Variants in CCDC87 observed in about 807,000 individuals in gnomAD.
CCDC87 encodes coiled-coil domain-containing protein 87.
For synonymous variants in CCDC87, 434 were observed against 440.2 expected (o/e 0.99, Z 0.18); for missense variants, 1,072 against 1,041.7 (o/e 1.03, Z -0.40).
At position 66,593,005 on chromosome 11, in the gene CCDC87, G is replaced by A. The variant is rs1446690159; in HGVS notation, c.11C>T (p.Pro4Leu). The stretch of plus-strand genomic sequence containing the variant: ...CTGGAGCTCAGGCTCGGGCTTCGGG[G>A]GCTCCATCATAGAGCCGGCGGCCGC... MME[P>L]PKPEPELQRF... Residue 4 changes from proline (P) to leucine (L), a missense_variant, in exon 1 of 1, where the codon CCC becomes CTC. Transcript: ENST00000333861. 1 of 1,512,724 alleles carries A rather than the reference G, an allele frequency of 6.6e-7. No homozygotes were observed. Among genetic ancestry groups the A allele is most frequent in the African/African-American group, 1.4e-5 (1 of 71,580 alleles). The allele number at this position is 1,512,724 out of a possible 1,614,324, so 93.7% of individuals were successfully genotyped here.
chr11:66,592,969 T>C lies in CCDC87; in HGVS notation c.47A>G (p.His16Arg). 6.6e-7 allele frequency: 1 copy of C among 1,517,110 alleles called. No individual in the cohort carries two copies. The highest frequency in any genetic ancestry group is 8.8e-7 in the Non-Finnish European group (1 of 1,135,496). The allele number at this position is 1,517,110 out of a possible 1,614,324, so 94.0% of individuals were successfully genotyped here. A position where few individuals can be genotyped will look rare whatever the true frequency, so the allele number is the denominator to read the frequency against. The change falls in exon 1 of 1, where the codon CAC (histidine) becomes CGC (arginine). Residue 16 changes from histidine (H) to arginine (R), a missense_variant. By Grantham distance (29) the His-to-Arg change is conservative. Coordinates refer to ENST00000333861, the MANE Select transcript of CCDC87 (RefSeq NM_018219.3). ...KPEPELQRFY[H>R]RLLRPLSLFP... is the part of the protein sequence containing the mutation. ...GAGCGACAGCGGACGCAGCAGCCGG[T>C]GGTAAAACCGCTGGAGCTCAGGCTC...
chr11:66,591,239 A>G lies in CCDC87; in HGVS notation c.1777T>C (p.Ser593Pro). 6.2e-6 allele frequency: 10 copies of G among 1,614,236 alleles called. No individual in the cohort carries two copies. The highest frequency in any genetic ancestry group is 8.5e-6 in the Non-Finnish European group (10 of 1,180,050). The change falls in exon 1 of 1, where the codon TCT becomes CCT. Residue 593 changes from serine to proline, a missense_variant. By Grantham distance (74) the Ser-to-Pro change is moderately conservative (BLOSUM62 -1). Transcript: ENST00000333861. ...SLMNSWKTTL[S>P]VDDYFKYLTN... is the part of the protein sequence containing the mutation. ...AGGTACTTGAAGTAGTCATCCACAG[A>G]CAAGGTGGTTTTCCATGAGTTCATC... is the stretch of plus-strand genomic sequence containing the variant.
At position 66,592,397 on chromosome 11, in the gene CCDC87, A is replaced by C; in HGVS notation, c.619T>G (p.Cys207Gly). The C allele has an allele frequency of 6.2e-7, 1 of 1,614,122 alleles. No homozygotes were observed. Among genetic ancestry groups the C allele is most frequent in the Non-Finnish European group, 8.5e-7 (1 of 1,180,018 alleles). Residue 207 changes from cysteine to glycine, a missense_variant, in exon 1 of 1, where the codon TGC (cysteine) becomes GGC (glycine). Coordinates refer to ENST00000333861, the MANE Select transcript of CCDC87 (RefSeq NM_018219.3). ...PVCPAGTFKLCPIPWPHSTGF... is the reference protein window; with the variant it reads ...PVCPAGTFKLGPIPWPHSTGF... ...GTGCTGTGAGGCCAGGGGATAGGGC[A>C]CAGCTTGAACGTCCCAGCGGGGCAG...
Position 66,590,845 on chromosome 11 carries a change from G to A in CCDC87, c.2171C>T (p.Ala724Val), listed in dbSNP as rs1565319424. The part of the protein sequence containing the change: ...LPSLVNAWER[A>V]LKPIQLREAL... ...CTCCCGCAGCTGAATGGGCTTCAGG[G>A]CCCGCTCCCAGGCATTCACCAATGA... is the stretch of plus-strand genomic sequence containing the variant. Residue 724 changes from alanine (A) to valine (V), a missense_variant, in exon 1 of 1, where the codon GCC (alanine) becomes GTC (valine). By Grantham distance (64) the Ala-to-Val change is moderately conservative (BLOSUM62 0). Coordinates refer to ENST00000333861, the MANE Select transcript of CCDC87 (RefSeq NM_018219.3). The A allele has an allele frequency of 1.2e-6, 2 of 1,613,846 alleles. No homozygotes were observed. Among genetic ancestry groups the A allele is most frequent in the Non-Finnish European group, 1.7e-6 (2 of 1,180,036 alleles).
Position 66,590,432 on chromosome 11 carries a change from G to C in CCDC87, c.*34C>G, listed in dbSNP as rs1565319152. 4 of 1,530,792 alleles carry C rather than the reference G, an allele frequency of 2.6e-6. No individual in the cohort carries two copies. The highest frequency in any genetic ancestry group is 2.7e-6 in the Non-Finnish European group (3 of 1,129,010). The allele number at this position is 1,530,792 out of a possible 1,614,324, so 94.8% of individuals were successfully genotyped here. A position where few individuals can be genotyped will look rare whatever the true frequency, so the allele number is the denominator to read the frequency against. On this transcript the variant is annotated 3_prime_UTR_variant, in exon 1 of 1. Coordinates refer to ENST00000333861, the MANE Select transcript of CCDC87 (RefSeq NM_018219.3). Reference sequence around the variant, plus strand: ...GGAGGCATTTGAGGGCACTGGGCCTGGTCAAGGAGTAATAGGGGTATTCCC... The same window carrying C: ...GGAGGCATTTGAGGGCACTGGGCCTCGTCAAGGAGTAATAGGGGTATTCCC...
At position 66,592,176 on chromosome 11, in the gene CCDC87, G is replaced by A. The variant is rs2134974483; in HGVS notation, c.840C>T (p.Ser280=). 1 of 1,594,956 alleles carries A rather than the reference G, an allele frequency of 6.3e-7. No homozygotes were observed. Among genetic ancestry groups the A allele is most frequent in the Non-Finnish European group, 8.5e-7 (1 of 1,170,816 alleles). Residue 280 remains serine, a synonymous_variant, in exon 1 of 1, where the codon TCC becomes TCT. Coordinates refer to ENST00000333861, the MANE Select transcript of CCDC87 (RefSeq NM_018219.3). ...AGCTGGGCAGCGACACCATCTGTGA[G>A]GAACTGATGTCGATTTCTCTCTTCT... ...IGKKREIDIS[S]SQMVSLPSYP...
chr11:66,592,294 T>C lies in CCDC87; in HGVS notation c.722A>G (p.Asn241Ser), dbSNP rs867624554. The C allele has an allele frequency of 1.4e-5, 23 of 1,614,110 alleles. No individual in the cohort carries two copies. The highest frequency in any genetic ancestry group is 2.7e-5 in the African/African-American group (2 of 74,938). The change falls in exon 1 of 1, where the codon AAT (asparagine) becomes AGT (serine). Residue 241 changes from asparagine (N) to serine (S), a missense_variant. Asn to Ser is a conservative substitution (Grantham distance 46, BLOSUM62 1). Coordinates refer to ENST00000333861, the MANE Select transcript of CCDC87 (RefSeq NM_018219.3). The part of the protein sequence containing the change: ...IQLSRPPEFL[N>S]EPGRMDPVKE... ...CACTGGATCCATCCTTCCTGGCTCA[T>C]TGAGAAACTCTGGTGGACGGCTGAG...
rs1399207300 is a variant in CCDC87 at position 66,591,609 on chromosome 11, C to A, written c.1407G>T (p.Leu469=). ...TGGCTTTGGGATCCAGTTCACCAGCCAGATGGTTATACAGGGCTCCGGCCC... is the reference window on the plus strand; with the variant it reads ...TGGCTTTGGGATCCAGTTCACCAGCAAGATGGTTATACAGGGCTCCGGCCC... ...IEGAGALYNH[L]AGELDPKAIE... is the part of the protein sequence containing the mutation. Residue 469 remains leucine, a synonymous_variant, in exon 1 of 1, where the codon CTG becomes CTT. Transcript: ENST00000333861. The A allele has an allele frequency of 6.2e-7, 1 of 1,614,108 alleles. No homozygotes were observed.
At position 66,591,890 on chromosome 11, in the gene CCDC87, A is replaced by C; in HGVS notation, c.1126T>G (p.Ser376Ala). 6.2e-7 allele frequency: 1 copy of C among 1,613,968 alleles called. No individual in the cohort carries two copies. Among genetic ancestry groups the C allele is most frequent in the Non-Finnish European group, 8.5e-7 (1 of 1,180,002 alleles). ...LEGTRYPPLD[S>A]GLPPLLGVVT... ...ACCCCCAGGAGAGGAGGCAGGCCTG[A>C]GTCCAGTGGTGGGTAGCGAGTCCCC... The change falls in exon 1 of 1, where the codon TCA (serine) becomes GCA (alanine). Residue 376 changes from serine (S) to alanine (A), a missense_variant. Transcript: ENST00000333861.
chr11:66,590,932 T>C lies in CCDC87; in HGVS notation c.2084A>G (p.Asp695Gly), dbSNP rs942418071. The change falls in exon 1 of 1, where the codon GAC becomes GGC. Residue 695 changes from aspartate to glycine, a missense_variant. Asp to Gly is a moderately conservative substitution (Grantham distance 94). Transcript: ENST00000333861. ...EQLWSVLEVPDKDQVDMTIKY... is the reference protein window; with the variant it reads ...EQLWSVLEVPGKDQVDMTIKY... ...AATGGTCATGTCCACCTGGTCCTTG[T>C]CAGGGACCTCAAGCACAGACCACAG... is the stretch of plus-strand genomic sequence containing the variant. 6.8e-6 allele frequency: 11 copies of C among 1,613,430 alleles called. No individual in the cohort carries two copies. In the Admixed American group the frequency reaches 1.7e-4, roughly 24 times the overall value.
In CCDC87 at chr11:66,592,259, T is replaced by TC; in HGVS notation, c.756dup (p.Lys253GlufsTer53). The TC allele has an allele frequency of 6.2e-7, 1 of 1,614,180 alleles. No individual in the cohort carries two copies. The highest frequency in any genetic ancestry group is 8.5e-7 in the Non-Finnish European group (1 of 1,180,010). ...TTCCTCTTCAACCGAGGGATGGACTTCAATTCCTTCACTGGATCCATCCTT... is the reference window on the plus strand; with the variant it reads ...TTCCTCTTCAACCGAGGGATGGACTTCCAATTCCTTCACTGGATCCATCCTT... On this transcript the variant is annotated frameshift_variant, in exon 1 of 1. Coordinates refer to ENST00000333861, the MANE Select transcript of CCDC87 (RefSeq NM_018219.3). LOFTEE classifies it low-confidence loss of function (END_TRUNC).
In CCDC87 at chr11:66,592,715, C is replaced by T. The variant is rs1002857887; in HGVS notation, c.301G>A (p.Glu101Lys). 29 of 1,613,872 alleles carry T rather than the reference C, an allele frequency of 1.8e-5. No individual in the cohort carries two copies. In the Admixed American group the frequency reaches 3.8e-4, roughly 21 times the overall value. ...LKCSWREPPA[E>K]LSLSHKNNQK... ...TTGTTTTTGTGGCTCAGACTAAGTT[C>T]GGCGGGCGGCTCCCGCCAGCTGCAC... Residue 101 changes from glutamate to lysine, a missense_variant, in exon 1 of 1, where the codon GAA becomes AAA. Physicochemically the swap from Glu to Lys is moderately conservative, Grantham distance 56. Coordinates refer to ENST00000333861, the MANE Select transcript of CCDC87 (RefSeq NM_018219.3).
In CCDC87 at chr11:66,592,897, T is replaced by A. The variant is rs768490903; in HGVS notation, c.119A>T (p.Gln40Leu). Reference protein sequence around the residue: ...TSPEPQKRPPQEGRILQSFPL... With the variant: ...TSPEPQKRPPLEGRILQSFPL... ...GAAGGACTGCAGAATCCGGCCCTCC[T>A]GCGGGGGGCGCTTCTGAGGCTCTGG... is the stretch of plus-strand genomic sequence containing the variant. Residue 40 changes from glutamine (Q) to leucine (L), a missense_variant, in exon 1 of 1, where the codon CAG becomes CTG. Coordinates refer to ENST00000333861, the MANE Select transcript of CCDC87 (RefSeq NM_018219.3). The A allele has an allele frequency of 6.5e-7, 1 of 1,535,024 alleles. No homozygotes were observed. The highest frequency in any genetic ancestry group is 2.3e-5 in the East Asian group (1 of 44,210).
chr11:66,591,179 A>G lies in CCDC87; in HGVS notation c.1837T>C (p.Phe613Leu), dbSNP rs1016640790. 6.2e-7 allele frequency: 1 copy of G among 1,614,246 alleles called. No homozygotes were observed. Among genetic ancestry groups the G allele is most frequent in the Admixed American group, 1.7e-5 (1 of 60,030 alleles). The change falls in exon 1 of 1, where the codon TTT becomes CTT. Residue 613 changes from phenylalanine (F) to leucine (L), a missense_variant. Physicochemically the swap from Phe to Leu is conservative, Grantham distance 22. Transcript: ENST00000333861. ...NHETDFLHVI[F>L]QMHEEEVPVE... is the part of the protein sequence containing the mutation. Reference sequence around the variant, plus strand: ...GGAACCTCTTCTTCATGCATTTGAAAGATGACATGAAGGAAATCTGTTTCA... The same window carrying G: ...GGAACCTCTTCTTCATGCATTTGAAGGATGACATGAAGGAAATCTGTTTCA...
In CCDC87 at chr11:66,591,308, G is replaced by A; in HGVS notation, c.1708C>T (p.Gln570Ter). Residue 570 changes from glutamine (Q) to a stop codon, truncating the protein, a stop_gained, in exon 1 of 1, where the codon CAA becomes TAA. Transcript: ENST00000333861. LOFTEE classifies it low-confidence loss of function (END_TRUNC). ...TKKMPSLPSL[Q>*]ATKSWEKWSN... ...CACTTCTCCCAGCTTTTGGTAGCTT[G>A]GAGTGATGGGAGGGAGGGCATCTTC... 1 of 1,614,196 alleles carries A rather than the reference G, an allele frequency of 6.2e-7. No homozygotes were observed.
In CCDC87 at chr11:66,590,211, G is replaced by A. The variant is rs370285161; in HGVS notation, c.*255C>T. 9.0e-5 allele frequency: 43 copies of A among 475,850 alleles called. No homozygotes were observed. Among genetic ancestry groups the A allele is most frequent in the African/African-American group, 6.2e-4 (32 of 51,594 alleles). The allele number at this position is 475,850 out of a possible 1,614,324, so 29.5% of individuals were successfully genotyped here. A position where few individuals can be genotyped will look rare whatever the true frequency, so the allele number is the denominator to read the frequency against. On this transcript the variant is annotated 3_prime_UTR_variant, in exon 1 of 1. Transcript: ENST00000333861. ...GGAGATTTGGCTTGTATTGTGCAAG[G>A]CTTGACATAATGGGACTACTAGGCT... is the stretch of plus-strand genomic sequence containing the variant.
chr11:66,590,831 G>C lies in CCDC87; in HGVS notation c.2185C>G (p.Gln729Glu). ...CTCGCCAGCAATGCCTCCCGCAGCT[G>C]AATGGGCTTCAGGGCCCGCTCCCAG... ...NAWERALKPI[Q>E]LREALLARLE... is the part of the protein sequence containing the mutation. The change falls in exon 1 of 1, where the codon CAG becomes GAG. Residue 729 changes from glutamine to glutamate, a missense_variant. Transcript: ENST00000333861. 1 of 1,613,816 alleles carries C rather than the reference G, an allele frequency of 6.2e-7. No individual in the cohort carries two copies. The highest frequency in any genetic ancestry group is 8.5e-7 in the Non-Finnish European group (1 of 1,180,050).
Position 66,591,459 on chromosome 11 carries a change from T to C in CCDC87, c.1557A>G (p.Ala519=). The C allele has an allele frequency of 6.2e-7, 1 of 1,614,226 alleles. No homozygotes were observed. The highest frequency in any genetic ancestry group is 8.5e-7 in the Non-Finnish European group (1 of 1,180,046). ...ACAGGAAGGTCGACCAGTCTTTATC[T>C]GCTGCAGGCTCAACTAGGGGCCCTT... ...FDQGPLVEPA[A]DKDWSTFLSS... is the part of the protein sequence containing the mutation. Residue 519 remains alanine (A), a synonymous_variant, in exon 1 of 1, where the codon GCA becomes GCG. Transcript: ENST00000333861.
chr11:66,591,547 G>T lies in CCDC87; in HGVS notation c.1469C>A (p.Thr490Asn). 2 of 1,614,158 alleles carry T rather than the reference G, an allele frequency of 1.2e-6. No individual in the cohort carries two copies. The highest frequency in any genetic ancestry group is 2.2e-5 in the South Asian group (2 of 91,088). Residue 490 changes from threonine (T) to asparagine (N), a missense_variant, in exon 1 of 1, where the codon ACT (threonine) becomes AAT (asparagine). Physicochemically the swap from Thr to Asn is moderately conservative, Grantham distance 65. Transcript: ENST00000333861. Reference protein sequence around the residue: ...KMDIDNFVGSTTREVYKELMS... With the variant: ...KMDIDNFVGSNTREVYKELMS... ...CAACTCCTTGTAGACCTCCCTGGTA[G>T]TACTGCCAACAAAGTTATCAATATC...
Sources: allele counts gnomAD v4.1 joint callset, GRCh38; gene constraint gnomAD v4.1.1; transcripts MANE v1.5; gene names NCBI Gene and HGNC (gene_info 2026-07-23, HGNC 2026-07-21).